GABRA3: variants seen among roughly 807,000 people sequenced by gnomAD.
The protein encoded by GABRA3 is gamma-aminobutyric acid type A receptor subunit alpha3, also known as gamma-aminobutyric acid receptor subunit alpha-3.
Under a neutral mutation model 30.1 loss-of-function variants are expected in GABRA3, and 10 were observed. The observed-to-expected ratio is 0.33, with a 90% CI of 0.20 to 0.56. The LOEUF is 0.56. Among genes scored for constraint, GABRA3 ranks in the 20% least tolerant of loss-of-function variants. The probability of loss-of-function intolerance (pLI) is 0.89; values close to 1 mark genes in which losing one functional copy is unlikely to be tolerated. For missense variants in GABRA3, 233 were observed against 392.0 expected, an observed-to-expected ratio of 0.59 and a Z score of 3.42; for synonymous variants, 151 against 146.8, an observed-to-expected ratio of 1.03 and a Z score of -0.21.
intron 1 of GABRA3, among the ~76,000 whole-genome samples, chrX:152,397,799 A>C (rs1929698787): frequency 9.0e-6 from 1 of 111,612 alleles, no homozygotes; most frequent in Non-Finnish European, 1.9e-5. Flanking sequence ...TCTCACATTT[A>C]TGGATCGGGC....
chrX:152,195,881 G>A (rs934061353), intron 8 of GABRA3, among the ~76,000 whole-genome samples: 2 of 111,069 alleles, frequency 1.8e-5, no homozygotes, highest in African/African-American at 6.6e-5. Context: ...TTTGGGGACC[G>A]TTATTCTGCC....
chrX:152,174,239 C>T (rs1334761399), intron 9 of GABRA3, among the ~76,000 whole-genome samples: 9 of 110,789 alleles, frequency 8.1e-5, no homozygotes, highest in South Asian at 7.8e-4. Flanking sequence ...TGAATAGTGC[C>T]GCAATAAACA....
At chrX:152,184,232 G>A (rs984554063) in intron 9 of GABRA3, among the ~76,000 whole-genome samples, 2 of 111,151 alleles carry the variant, frequency 1.8e-5, no homozygotes, top group Non-Finnish European at 3.8e-5. Flanking sequence ...TCAAGGTGAG[G>A]TGTTCCTTTT....
intron 3 of GABRA3, among the ~76,000 whole-genome samples, chrX:152,303,903 A>C (rs767626347): frequency 1.2e-4 from 13 of 111,285 alleles, no homozygotes; most frequent in African/African-American, 3.9e-4. Context: ...AGTGCAGCAA[A>C]ACACCATGGC....
intron 2 of GABRA3, among the ~76,000 whole-genome samples, chrX:152,358,281 T>G (rs1287968538): frequency 1.8e-5 from 2 of 111,526 alleles, no homozygotes; most frequent in Non-Finnish European, 3.8e-5. Flanking sequence ...CCTGGTTAGC[T>G]GTATTCACAG....
chrX:152,227,611 A>T (rs6627554), intron 5 of GABRA3, among the ~76,000 whole-genome samples: 12,588 of 101,645 alleles, frequency 0.12, 1,291 homozygotes, highest in East Asian at 0.36. Flanking sequence ...TTTTTTTTTA[A>T]AAAAAAAAGA....
intron 3 of GABRA3, among the ~76,000 whole-genome samples, chrX:152,309,745 T>G (rs12392070): frequency 0.037 from 4,100 of 111,495 alleles, 162 homozygotes; most frequent in African/African-American, 0.13. Context: ...AACAACCAGT[T>G]AACAACGTGG....
chrX:152,355,439 C>A (rs1940535904), intron 2 of GABRA3, among the ~76,000 whole-genome samples: 2 of 111,201 alleles, frequency 1.8e-5, no homozygotes, highest in Non-Finnish European at 1.9e-5. Context: ...GCATGTAACT[C>A]CCTGGCTCTC....
At chrX:152,361,842 A>C (rs1928517733) in intron 2 of GABRA3, among the ~76,000 whole-genome samples, 1 of 111,794 alleles carries the variant, frequency 8.9e-6, no homozygotes, top group Non-Finnish European at 1.9e-5. Context: ...GTTTAAAAAA[A>C]TCCTTGTTTA....
At chrX:152,375,264 T>C (rs1418724684) in intron 1 of GABRA3, among the ~76,000 whole-genome samples, 1 of 111,555 alleles carries the variant, frequency 9.0e-6, no homozygotes, top group East Asian at 2.8e-4. Flanking sequence ...GCTTTTCATA[T>C]CCCTCTATCA....
intron 5 of GABRA3, among the ~76,000 whole-genome samples, chrX:152,252,497 G>A (rs748066437): frequency 1.8e-5 from 2 of 110,837 alleles, no homozygotes; most frequent in East Asian, 5.7e-4. Context: ...TGGGATAATA[G>A]TACCTATCTC....
intron 1 of GABRA3, among the ~76,000 whole-genome samples, chrX:152,415,039 G>A (rs1353293240): frequency 9.0e-6 from 1 of 110,860 alleles, no homozygotes. Flanking sequence ...AAGTAGGTGG[G>A]CCACTGGGGA....
chrX:152,250,141 C>T (rs1366521772), intron 5 of GABRA3, among the ~76,000 whole-genome samples: 2 of 111,520 alleles, frequency 1.8e-5, no homozygotes, highest in East Asian at 5.6e-4. Flanking sequence ...TATGCAGCAC[C>T]TCCTTTTGCA....
intron 1 of GABRA3, among the ~76,000 whole-genome samples, chrX:152,431,279 C>A (rs892730684): frequency 9.0e-6 from 1 of 111,154 alleles, no homozygotes; most frequent in Non-Finnish European, 1.9e-5. Context: ...GAGAGAGAAG[C>A]CAGTCCAAAT....
chrX:152,333,089 G>T (rs1001817813), intron 3 of GABRA3, among the ~76,000 whole-genome samples: 1 of 111,652 alleles, frequency 9.0e-6, no homozygotes, highest in Admixed American at 9.6e-5. Context: ...GTGATCCTTG[G>T]CATTGCTTAG....
chrX:152,433,980 T>C (rs907150534), intron 1 of GABRA3, among the ~76,000 whole-genome samples: 5 of 112,018 alleles, frequency 4.5e-5, no homozygotes, highest in African/African-American at 1.6e-4. Context: ...AAGAAATAGA[T>C]AATCTATAGC....
chrX:152,370,492 C>A (rs1323302403), intron 1 of GABRA3, among the ~76,000 whole-genome samples: 1 of 112,024 alleles, frequency 8.9e-6, no homozygotes, highest in African/African-American at 3.2e-5. Flanking sequence ...ATCTTAGTTT[C>A]AATTCTGGAT....
At chrX:152,253,251 G>T (rs1033509056) in intron 5 of GABRA3, among the ~76,000 whole-genome samples, 1 of 111,034 alleles carries the variant, frequency 9.0e-6, no homozygotes, top group African/African-American at 3.3e-5. Flanking sequence ...CCATTTTCAC[G>T]TTTCCATTTG....
At chrX:152,183,521 T>C (rs754594890) in intron 9 of GABRA3, among the ~76,000 whole-genome samples, 1 of 111,405 alleles carries the variant, frequency 9.0e-6, no homozygotes, top group South Asian at 3.7e-4. Context: ...TTTAATGATC[T>C]TTTCTATTGA....
Sources: allele counts gnomAD v4.1 joint callset (sites outside exome capture counted in the v4.1 genomes callset), GRCh38; gene constraint gnomAD v4.1.1; transcripts MANE v1.5; gene names NCBI Gene and HGNC (gene_info 2026-07-23, HGNC 2026-07-21).